CAMTA1: variants seen among roughly 807,000 people sequenced by gnomAD.
CAMTA1 encodes calmodulin binding transcription activator 1.
Under a neutral mutation model 170.9 loss-of-function variants are expected in CAMTA1, and 27 were observed. The ratio of observed to expected loss-of-function variants is 0.16; its 90% confidence interval spans 0.12 to 0.22. CAMTA1 has a LOEUF of 0.22. CAMTA1 is among the 10% of genes least tolerant of loss of function. The pLI, the probability that CAMTA1 is intolerant of heterozygous loss-of-function variation, is 1.00. For missense variants in CAMTA1, 1,619 were observed against 2,217.2 expected, an observed-to-expected ratio of 0.73 and a Z score of 5.42; for synonymous variants, 833 against 891.5, an observed-to-expected ratio of 0.93 and a Z score of 1.17.
chr1:7,320,658 T>TC (rs1678257904), intron 5 of CAMTA1, among the ~76,000 whole-genome samples: 1 of 108,398 alleles, frequency 9.2e-6, no homozygotes, highest in Admixed American at 1.1e-4. Flanking sequence ...TGTTTTTTTT[T>TC]TTTTTTTTTT....
intron 3 of CAMTA1, among the ~76,000 whole-genome samples, chr1:7,075,344 C>A (rs1374361550): frequency 6.6e-6 from 1 of 152,200 alleles, no homozygotes; most frequent in Non-Finnish European, 1.5e-5. Flanking sequence ...AATATCTGGA[C>A]AGAAGTTTCA....
chr1:7,243,449 T>C (rs1210142600), intron 4 of CAMTA1, among the ~76,000 whole-genome samples: 3 of 152,222 alleles, frequency 2.0e-5, no homozygotes, highest in Non-Finnish European at 4.4e-5. Context: ...TACATATGGC[T>C]AGCCAGTTTT....
chr1:6,896,507 C>T (rs1011533040), intron 3 of CAMTA1, among the ~76,000 whole-genome samples: 2 of 152,138 alleles, frequency 1.3e-5, no homozygotes, highest in Admixed American at 6.5e-5. Flanking sequence ...GGTTAGGTAG[C>T]AAATCTGTTA....
intron 5 of CAMTA1, among the ~76,000 whole-genome samples, chr1:7,309,541 C>T (rs1463090450): frequency 3.3e-5 from 5 of 151,612 alleles, no homozygotes; most frequent in East Asian, 1.9e-4. Context: ...CCTCGTGATC[C>T]GCCCGCCTCG....
intron 5 of CAMTA1, among the ~76,000 whole-genome samples, chr1:7,349,418 A>C (rs532727795): frequency 1.9e-4 from 29 of 152,286 alleles, no homozygotes; most frequent in African/African-American, 7.0e-4. Flanking sequence ...GTCCCTCCAT[A>C]TCCCAGACCT....
chr1:7,248,333 A>G lies in CAMTA1; in HGVS notation c.303-1158A>G, dbSNP rs1463272808. ...CCTCCGTTGTAGCAGAGCAACATAC[A>G]AGCCAGGCTGAAGAAGCCCCACTTC... On this transcript the variant is annotated intron_variant, in intron 4 of 22. Transcript: ENST00000303635. This position sits in a 1 kb window ranked among gnomAD's most constrained non-coding sequence, Gnocchi z 4.0. Among the ~76,000 whole-genome samples the G allele has an allele frequency of 1.3e-5, 2 of 152,222 alleles. No individual in the cohort carries two copies. Among genetic ancestry groups the G allele is most frequent in the African/African-American group, 4.8e-5 (2 of 41,460 alleles).
chr1:7,316,013 G>A (rs183516880), intron 5 of CAMTA1, among the ~76,000 whole-genome samples: 3 of 152,342 alleles, frequency 2.0e-5, no homozygotes, highest in Admixed American at 1.3e-4. Flanking sequence ...GGAGAAGCAA[G>A]CTTGGACCTT....
chr1:7,576,419 C>A (rs1027389973), intron 6 of CAMTA1, among the ~76,000 whole-genome samples: 1 of 152,092 alleles, frequency 6.6e-6, no homozygotes, highest in Non-Finnish European at 1.5e-5. Context: ...GGATTTGGAG[C>A]GTTGTTTAGG....
intron 6 of CAMTA1, among the ~76,000 whole-genome samples, chr1:7,563,470 G>A (rs564713963): frequency 1.8e-4 from 27 of 152,298 alleles, no homozygotes; most frequent in East Asian, 3.9e-4. Context: ...GTTCCCACTC[G>A]GGCCCCACTA....
At chr1:7,257,076 C>CGGAG (rs1553291544) in intron 5 of CAMTA1, among the ~76,000 whole-genome samples, 1 of 135,134 alleles carries the variant, frequency 7.4e-6, no homozygotes, top group Non-Finnish European at 1.6e-5. Context: ...CATCGCATGG[C>CGGAG]GGGGGCGGGG....
chr1:6,832,555 C>A (rs1650789236), intron 3 of CAMTA1, among the ~76,000 whole-genome samples: 1 of 151,962 alleles, frequency 6.6e-6, no homozygotes, highest in East Asian at 1.9e-4. Context: ...AATATAGACA[C>A]ACATTTTGGG....
chr1:6,853,138 C>G (rs891955173), intron 3 of CAMTA1: 1 of 152,170 alleles, frequency 6.6e-6, no homozygotes, highest in Admixed American at 6.5e-5. Context: ...TCCTGCATGG[C>G]AGCTTTAAGA....
At chr1:6,975,232 G>A (rs1343925018) in intron 3 of CAMTA1, among the ~76,000 whole-genome samples, 1 of 152,188 alleles carries the variant, frequency 6.6e-6, no homozygotes, top group Non-Finnish European at 1.5e-5. Context: ...GGGACGTTCA[G>A]CATGTTGTCC....
At chr1:7,559,349 C>A (rs922926342) in intron 6 of CAMTA1, among the ~76,000 whole-genome samples, 21 of 152,004 alleles carry the variant, frequency 1.4e-4, no homozygotes, top group African/African-American at 5.1e-4. Flanking sequence ...AGCTGACCCT[C>A]CTGCCTCCTG....
intron 5 of CAMTA1, among the ~76,000 whole-genome samples, chr1:7,351,517 G>T (rs1400141545): frequency 6.6e-6 from 1 of 152,224 alleles, no homozygotes; most frequent in East Asian, 1.9e-4. Flanking sequence ...CAGGTCGGGG[G>T]ACCTCTGCCC....
intron 4 of CAMTA1, among the ~76,000 whole-genome samples, chr1:7,209,969 C>G (rs780144723): frequency 2.6e-5 from 4 of 152,128 alleles, no homozygotes; most frequent in Non-Finnish European, 4.4e-5. Context: ...CATGACTGAA[C>G]CATTTGAAAG....
Position 7,694,077 on chromosome 1 carries a change from C to T in CAMTA1, c.2914+16344C>T, listed in dbSNP as rs1475976665. On this transcript the variant is annotated intron_variant, in intron 11 of 22. Transcript: ENST00000303635. ...AGGTGAGGACAAAAGCCAGACCTCT[C>T]TTTGGGCAACGTTAAATTCTTTCCT... 2.6e-5 allele frequency: 4 copies of T among 152,380 alleles called. No individual in the cohort carries two copies. The East Asian group carries it at 7.7e-4, about 29-fold the overall frequency. 9.4% of individuals were successfully genotyped at this position (152,380 alleles called of 1,614,324 possible).
At chr1:7,214,121 C>T (rs1419971738) in intron 4 of CAMTA1, among the ~76,000 whole-genome samples, 1 of 152,182 alleles carries the variant, frequency 6.6e-6, no homozygotes, top group African/African-American at 2.4e-5. Context: ...TGGGTATATA[C>T]CCAGCAATGG....
chr1:7,457,102 AC>A (rs2092975569), intron 5 of CAMTA1, among the ~76,000 whole-genome samples: 1 of 63,474 alleles, frequency 1.6e-5, no homozygotes, highest in Non-Finnish European at 3.3e-5. Context: ...CCCCTCACCC[AC>A]CCCTGGCCTT....
Sources: gnomAD v4.1 joint callset for allele counts (sites outside exome capture counted in the v4.1 genomes callset) on GRCh38, gnomAD v4.1.1 for gene constraint, Gnocchi (gnomAD v3.1) non-coding constraint, MANE v1.5 for transcripts, NCBI Gene and HGNC (gene_info 2026-07-23, HGNC 2026-07-21) for gene names.